Variants in IL33 observed in about 807,000 individuals in gnomAD.
IL33 encodes the protein interleukin 33.
IL33 carries 37 observed loss-of-function variants against 27.3 expected under a neutral mutation model. The ratio of observed to expected loss-of-function variants is 1.36; its 90% CI spans 1.04 to 1.78. IL33 has a LOEUF of 1.78. IL33 is among the 40% of genes most tolerant of loss of function. IL33 has a pLI of 0.00. For synonymous variants in IL33, 132 were observed against 102.9 expected, an observed-to-expected ratio of 1.28 and a Z score of -1.71; for missense variants, 406 against 311.4, an observed-to-expected ratio of 1.30 and a Z score of -2.29.
chr9:6,256,387 T>A lies in IL33; in HGVS notation c.*219T>A, dbSNP rs1816732929. The stretch of plus-strand genomic sequence containing the variant: ...TGCATCTTCAATACAAGTATCAGTA[T>A]ATTAAATAGGGTATTGGTAAAGAAA... On this transcript the variant is annotated 3_prime_UTR_variant, in exon 8 of 8. Coordinates refer to ENST00000682010, the MANE Select transcript of IL33 (RefSeq NM_033439.4). 1 of 546,376 alleles carries A rather than the reference T, an allele frequency of 1.8e-6. No individual in the cohort carries two copies. Among genetic ancestry groups the A allele is most frequent in the African/African-American group, 1.9e-5 (1 of 52,472 alleles). The allele number at this position is 546,376 out of a possible 1,614,324, so 33.8% of individuals were successfully genotyped here.
chr9:6,231,404 G>A (rs1248726938), intron 1 of IL33, among the ~76,000 whole-genome samples: 1 of 152,124 alleles, frequency 6.6e-6, no homozygotes, highest in African/African-American at 2.4e-5. Context: ...TGCGGCTTCT[G>A]TCCATCTCAG....
chr9:6,223,350 A>G (rs1160826315), intron 1 of IL33, among the ~76,000 whole-genome samples: 2 of 152,142 alleles, frequency 1.3e-5, no homozygotes, highest in Non-Finnish European at 2.9e-5. Context: ...TAGTAATAAC[A>G]GTACTATTAC....
chr9:6,251,043 A>G, intron 3 of IL33, 97 bp from the exon 4 acceptor site: 1 of 1,498,756 alleles, frequency 6.7e-7, no homozygotes, highest in Non-Finnish European at 9.0e-7. Context: ...GGAGTCAATC[A>G]CTACTCTCAG....
chr9:6,257,829 A>T lies in IL33; in HGVS notation c.*1661A>T, dbSNP rs956541807. ...GTTCTGTCAATAATTGTTACCAAAG[A>T]GATAAAAATAAAAGCAGAATGTATA... On this transcript the variant is annotated 3_prime_UTR_variant, in exon 8 of 8. Coordinates refer to ENST00000682010, the MANE Select transcript of IL33 (RefSeq NM_033439.4). 1.3e-5 allele frequency: 2 copies of T among 152,226 alleles called. No homozygotes were observed. Among genetic ancestry groups the T allele is most frequent in the African/African-American group, 4.8e-5 (2 of 41,470 alleles). 9.4% of individuals were successfully genotyped at this position (152,226 alleles called of 1,614,324 possible). A position where few individuals can be genotyped will look rare whatever the true frequency, so the allele number is the denominator to read the frequency against.
chr9:6,237,335 T>C (rs1441224333), intron 1 of IL33, among the ~76,000 whole-genome samples: 1 of 152,206 alleles, frequency 6.6e-6, no homozygotes. Flanking sequence ...TGCAGGTTAT[T>C]TGAAGAAAAT....
intron 1 of IL33, among the ~76,000 whole-genome samples, chr9:6,235,362 C>A (rs1258924789): frequency 6.6e-6 from 1 of 152,040 alleles, no homozygotes; most frequent in Non-Finnish European, 1.5e-5. Context: ...TTCTTTATAC[C>A]AAAAGTAACA....
intron 2 of IL33, among the ~76,000 whole-genome samples, chr9:6,247,551 C>T (rs11792139): frequency 0.28 from 41,854 of 152,034 alleles, 6,496 homozygotes; most frequent in East Asian, 0.49. Flanking sequence ...GGGATTCATG[C>T]TGCTGTTATG....
chr9:6,241,260 G>C (rs1045988054), intron 1 of IL33, among the ~76,000 whole-genome samples: 13 of 152,108 alleles, frequency 8.5e-5, no homozygotes, highest in African/African-American at 3.1e-4. Flanking sequence ...ACATAAACCA[G>C]TAACATAGTC....
rs146482344 is a variant in IL33, at chr9:6,233,108, T to C, written c.-11-8576T>C. ...TAACCACTCTCCATCTCCAGAACAT[T>C]TTTTTCATCTTCCAAAACTGAAACT... On this transcript the variant is annotated intron_variant, in intron 1 of 7. Transcript: ENST00000682010. Among the ~76,000 whole-genome samples the C allele has an allele frequency of 3.1e-3, 468 of 152,298 alleles. 3 individuals are homozygous for C. Among genetic ancestry groups the C allele is most frequent in the Admixed American group, 5.0e-3 (77 of 15,290 alleles).
intron 1 of IL33, among the ~76,000 whole-genome samples, chr9:6,217,497 G>A (rs1290560683): frequency 6.6e-6 from 1 of 152,116 alleles, no homozygotes. Flanking sequence ...CATGATGGGG[G>A]TTGGTTATGT....
chr9:6,256,696 A>G lies in IL33; in HGVS notation c.*528A>G. 1 of 194,788 alleles carries G rather than the reference A, an allele frequency of 5.1e-6. No homozygotes were observed. Among genetic ancestry groups the G allele is most frequent in the Non-Finnish European group, 1.0e-5 (1 of 97,014 alleles). 12.1% of individuals were successfully genotyped at this position (194,788 alleles called of 1,614,324 possible). ...CACCAGGTTTGTTTGTAGATGTCTT[A>G]GGCAACACTCAGAGCAGATCTCCCT... On this transcript the variant is annotated 3_prime_UTR_variant, in exon 8 of 8. Coordinates refer to ENST00000682010, the MANE Select transcript of IL33 (RefSeq NM_033439.4).
intron 1 of IL33, among the ~76,000 whole-genome samples, chr9:6,217,794 A>G (rs981017820): frequency 6.6e-6 from 1 of 152,058 alleles, no homozygotes; most frequent in Non-Finnish European, 1.5e-5. Context: ...GACTATTTTA[A>G]TTAAGAAAAT....
intron 2 of IL33, among the ~76,000 whole-genome samples, chr9:6,246,954 C>G (rs1004639705): frequency 6.6e-6 from 1 of 152,124 alleles, no homozygotes. Context: ...TGCAGGTCAC[C>G]CAGGTAGAGA....
chr9:6,239,935 T>C (rs557794337), intron 1 of IL33, among the ~76,000 whole-genome samples: 4 of 152,192 alleles, frequency 2.6e-5, no homozygotes, highest in Non-Finnish European at 5.9e-5. Flanking sequence ...ATGGGCACAC[T>C]GATATTGCTG....
At chr9:6,254,697 T>A (rs935950177) in intron 7 of IL33, 144 bp downstream of exon 7, 1 of 386,212 alleles carries the variant, frequency 2.6e-6, no homozygotes. Context: ...CACAATCACT[T>A]ACTACAAATG....
intron 1 of IL33, among the ~76,000 whole-genome samples, chr9:6,233,611 G>A (rs546500810): frequency 7.2e-5 from 11 of 152,150 alleles, no homozygotes; most frequent in Non-Finnish European, 1.5e-4. Flanking sequence ...ACCAGCTACT[G>A]TGCTAAGCGC....
intron 2 of IL33, among the ~76,000 whole-genome samples, chr9:6,246,184 G>T (rs1204522301): frequency 6.8e-6 from 1 of 146,978 alleles, no homozygotes; most frequent in East Asian, 2.1e-4. Flanking sequence ...AAAAGATAAA[G>T]ACATTTTTTA....
chr9:6,239,526 A>C (rs1819411134), intron 1 of IL33, among the ~76,000 whole-genome samples: 1 of 152,142 alleles, frequency 6.6e-6, no homozygotes, highest in African/African-American at 2.4e-5. Context: ...TTATGTAAAT[A>C]AAGTACCCCC....
chr9:6,252,762 T>A, intron 4 of IL33, 104 bp from the exon 5 acceptor site: 9 of 1,375,504 alleles, frequency 6.5e-6, no homozygotes, highest in East Asian at 2.3e-5. Flanking sequence ...AACAGTGACA[T>A]ACAAAATGCA....
Sources: gnomAD v4.1 joint callset for allele counts (sites outside exome capture counted in the v4.1 genomes callset) on GRCh38, gnomAD v4.1.1 for gene constraint, MANE v1.5 for transcripts, NCBI Gene and HGNC (gene_info 2026-07-23, HGNC 2026-07-21) for gene names.